PKD2: variants seen among roughly 807,000 people sequenced by gnomAD.
PKD2 encodes polycystin 2, transient receptor potential cation channel.
Under a neutral mutation model 105.9 loss-of-function variants are expected in PKD2, and 48 were observed. That is an observed-to-expected ratio of 0.45 (90% CI 0.36 to 0.58). The LOEUF (loss-of-function observed/expected upper bound fraction) is 0.58. Ranked by LOEUF, PKD2 falls within the 20% of genes least tolerant of loss-of-function variation. PKD2 has a pLI of 0.00. For missense variants in PKD2, 1,078 were observed against 1,255.3 expected (o/e 0.86, Z 2.13); for synonymous variants, 464 against 481.1 (o/e 0.96, Z 0.46).
chr4:88,017,298 ATACATACATACG>A (rs1296301611), intron 1 of PKD2, among the ~76,000 whole-genome samples: 1 of 152,118 alleles, frequency 6.6e-6, no homozygotes, highest in Non-Finnish European at 1.5e-5. Context: ...TCATACATAC[ATACATACATACG>A]TACATACATA....
chr4:88,025,197 C>T (rs1726911353), intron 2 of PKD2, among the ~76,000 whole-genome samples: 1 of 151,990 alleles, frequency 6.6e-6, no homozygotes, highest in South Asian at 2.1e-4. Flanking sequence ...GTGGCTCATG[C>T]TTATAATCCC....
intron 2 of PKD2, 24 bp from the exon 3 acceptor site, chr4:88,036,196 C>T: frequency 6.2e-7 from 1 of 1,613,680 alleles, no homozygotes; most frequent in African/African-American, 1.3e-5. Context: ...TTGGGGCGTT[C>T]ATTTGGATCT....
At chr4:88,074,773 A>G (rs752090296) in intron 13 of PKD2, 39 bp from the exon 14 acceptor site, 4 of 1,612,394 alleles carry the variant, frequency 2.5e-6, no homozygotes, top group East Asian at 4.5e-5. Flanking sequence ...AAAGACAATG[A>G]CAAGCACTTT....
chr4:88,063,241 A>G (rs1720648459), intron 10 of PKD2, among the ~76,000 whole-genome samples: 1 of 152,244 alleles, frequency 6.6e-6, no homozygotes, highest in African/African-American at 2.4e-5. Flanking sequence ...GACATTTTAC[A>G]AAAATGGATA....
chr4:88,041,756 C>G (rs1168185615), intron 4 of PKD2, among the ~76,000 whole-genome samples: 1 of 152,172 alleles, frequency 6.6e-6, no homozygotes, highest in African/African-American at 2.4e-5. Context: ...CACAGCAAGC[C>G]TCTCTTACCG....
rs188624685 is a variant in PKD2, at chr4:88,043,854, C to G, written c.1319+397C>G. ...GAGTTTCTCACTCTCAGATGAGCCT[C>G]TGCTATTAGCACACAAGCACAGTAA... is the stretch of plus-strand genomic sequence containing the variant. On this transcript the variant is annotated intron_variant, in intron 5 of 14. Transcript: ENST00000237596. 1.5e-3 allele frequency among the ~76,000 whole-genome samples: 227 copies of G among 152,316 alleles called. 1 individual carries two copies. Among genetic ancestry groups the G allele is most frequent in the African/African-American group, 5.1e-3 (213 of 41,580 alleles).
At chr4:88,045,013 G>T (rs1727715301) in intron 5 of PKD2, among the ~76,000 whole-genome samples, 2 of 152,090 alleles carry the variant, frequency 1.3e-5, no homozygotes, top group South Asian at 4.1e-4. Flanking sequence ...CAGATAAAAA[G>T]AAAAGAATAA....
intron 1 of PKD2, among the ~76,000 whole-genome samples, chr4:88,016,879 T>C (rs1225181233): frequency 6.6e-6 from 1 of 151,838 alleles, no homozygotes; most frequent in Non-Finnish European, 1.5e-5. Flanking sequence ...GGCAGGAGGA[T>C]TGTTTGAGCC....
In PKD2 at chr4:88,038,322, C is replaced by T. The variant is rs1033622858; in HGVS notation, c.915C>T (p.Asn305=). Residue 305 remains asparagine, a synonymous_variant, in exon 4 of 15, where the codon AAC becomes AAT. Transcript: ENST00000237596. ...MQPSNQTEAD[N]RSFIFYENLL... is the part of the protein sequence containing the mutation. ...CCAGCAACCAGACTGAAGCTGACAA[C>T]CGAAGTTTCATCTTCTATGAGAACC... 6.2e-7 allele frequency: 1 copy of T among 1,613,724 alleles called. No homozygotes were observed. The highest frequency in any genetic ancestry group is 8.5e-7 in the Non-Finnish European group (1 of 1,179,742).
intron 2 of PKD2, among the ~76,000 whole-genome samples, chr4:88,023,257 G>A (rs949558846): frequency 1.3e-5 from 2 of 152,170 alleles, no homozygotes; most frequent in African/African-American, 4.8e-5. Context: ...AGGTGAAGCA[G>A]GAGCTTGCAC....
chr4:88,055,432 G>T (rs1289359095), intron 7 of PKD2, among the ~76,000 whole-genome samples: 1 of 152,042 alleles, frequency 6.6e-6, no homozygotes, highest in Non-Finnish European at 1.5e-5. Context: ...GACCTCCCAG[G>T]CTCAAGCAAC....
intron 1 of PKD2, among the ~76,000 whole-genome samples, chr4:88,016,715 C>G (rs1447509373): frequency 6.6e-6 from 1 of 152,170 alleles, no homozygotes; most frequent in Non-Finnish European, 1.5e-5. Context: ...AATCCCAGCA[C>G]TTTGAGAGGC....
rs149257723 is a variant in PKD2 at position 88,038,499 on chromosome 4, C to G, written c.1092C>G (p.Thr364=). The G allele has an allele frequency of 6.2e-7, 1 of 1,613,778 alleles. No individual in the cohort carries two copies. The highest frequency in any genetic ancestry group is 1.7e-5 in the Admixed American group (1 of 60,000). ...CTCCCTTTGGGCCCCGAAATGGAAC[C>G]GCGTAAGTGTCTGTGACTCATTGCC... The part of the protein sequence containing the change: ...DRAPFGPRNG[T]AWIYTSEKDL... The change falls in exon 4 of 15, where the codon ACC becomes ACG. Residue 364 remains threonine, a splice_region_variant and synonymous_variant. Coordinates refer to ENST00000237596, the MANE Select transcript of PKD2 (RefSeq NM_000297.4).
At chr4:88,075,189 C>G (rs1721188142) in intron 14 of PKD2, among the ~76,000 whole-genome samples, 1 of 152,168 alleles carries the variant, frequency 6.6e-6, no homozygotes, top group Admixed American at 6.5e-5. Context: ...GTCATATTGT[C>G]TAACCCTTAG....
chr4:88,052,793 A>C (rs567917753), intron 7 of PKD2, among the ~76,000 whole-genome samples: 1 of 152,234 alleles, frequency 6.6e-6, no homozygotes, highest in Non-Finnish European at 1.5e-5. Context: ...AAAGAGAGGG[A>C]AGGAGCAGGT....
At chr4:88,016,998 A>G (rs1345323685) in intron 1 of PKD2, among the ~76,000 whole-genome samples, 1 of 151,772 alleles carries the variant, frequency 6.6e-6, no homozygotes, top group Non-Finnish European at 1.5e-5. Context: ...AGAAAAAAAG[A>G]AAGAAAATAT....
chr4:88,064,729 A>C (rs1413444336), intron 10 of PKD2, among the ~76,000 whole-genome samples: 1 of 143,168 alleles, frequency 7.0e-6, no homozygotes, highest in Non-Finnish European at 1.5e-5. Flanking sequence ...CTGTCTCTAC[A>C]AAAAAAAAAA....
Position 88,074,794 on chromosome 4 carries a change from A to G in PKD2, c.2523-18A>G. The G allele has an allele frequency of 6.2e-7, 1 of 1,613,792 alleles. No individual in the cohort carries two copies. The highest frequency in any genetic ancestry group is 8.5e-7 in the Non-Finnish European group (1 of 1,179,726). ...AATGACAAGCACTTTGTCCCTCTGT[A>G]CTGTGTTTTCCTTGCAGCCTGGTGA... On this transcript the variant is annotated intron_variant, in intron 13 of 14. Transcript: ENST00000237596.
intron 1 of PKD2, among the ~76,000 whole-genome samples, chr4:88,015,883 C>T (rs193253618): frequency 6.8e-4 from 103 of 152,316 alleles, no homozygotes; most frequent in African/African-American, 2.3e-3. Flanking sequence ...GAGGAATGCA[C>T]TGTTTAGATC....
Sources: allele counts gnomAD v4.1 joint callset (sites outside exome capture counted in the v4.1 genomes callset), GRCh38; gene constraint gnomAD v4.1.1; transcripts MANE v1.5; gene names NCBI Gene and HGNC (gene_info 2026-07-23, HGNC 2026-07-21).